C1QA: variants seen among roughly 807,000 people sequenced by gnomAD.
C1QA encodes the protein complement C1q subcomponent subunit A.
C1QA carries 3 observed loss-of-function variants against 6.9 expected under a neutral mutation model. The observed-to-expected ratio is 0.44, with a 90% CI of 0.20 to 1.12. The LOEUF (loss-of-function observed/expected upper bound fraction) is 1.12. Among genes scored for constraint, C1QA ranks in the 50% most tolerant of loss-of-function variants. C1QA has a pLI of 0.27. For missense variants in C1QA, 273 were observed against 326.6 expected, an observed-to-expected ratio of 0.84 and a Z score of 1.26; for synonymous variants, 128 against 134.1, an observed-to-expected ratio of 0.95 and a Z score of 0.31.
rs1029412903 is a variant in C1QA at position 22,639,602 on chromosome 1, T to C, written c.*195T>C. The C allele has an allele frequency of 1.6e-6, 1 of 628,166 alleles. No individual in the cohort carries two copies. Among genetic ancestry groups the C allele is most frequent in the Non-Finnish European group, 2.8e-6 (1 of 361,766 alleles). The allele number at this position is 628,166 out of a possible 1,614,324, so 38.9% of individuals were successfully genotyped here. A position where few individuals can be genotyped will look rare whatever the true frequency, so the allele number is the denominator to read the frequency against. On this transcript the variant is annotated 3_prime_UTR_variant, in exon 3 of 3. Transcript: ENST00000374642. This position sits in a 1 kb window ranked among gnomAD's most constrained non-coding sequence, Gnocchi z 4.6. ...TGGAATAAACATCTGTGTCTGTGTC[T>C]GCTGAACATGAGCTTCAGTTGCTAC...
rs781431506 is a variant in C1QA, at chr1:22,639,245, C to CA, written c.577dup (p.Thr193AsnfsTer21). ...GACGCTCCCTGGGCTTCTGTGACACCACCAACAAGGGGCTCTTCCAGGTGG... is the reference window on the plus strand; with the variant it reads ...GACGCTCCCTGGGCTTCTGTGACACCAACCAACAAGGGGCTCTTCCAGGTGG... On this transcript the variant is annotated frameshift_variant, in exon 3 of 3. Transcript: ENST00000374642. LOFTEE classifies it high-confidence loss of function. This position sits in a 1 kb window ranked among gnomAD's most constrained non-coding sequence, Gnocchi z 4.6. The CA allele has an allele frequency of 6.8e-6, 11 of 1,614,246 alleles. No individual in the cohort carries two copies. The highest frequency in any genetic ancestry group is 6.8e-6 in the Non-Finnish European group (8 of 1,180,050).
At chr1:22,638,717 C>T in intron 2 of C1QA, 116 bp from the exon 3 acceptor site, 1 of 1,180,340 alleles carries the variant, frequency 8.5e-7, no homozygotes. Context: ...AATCGATGTC[C>T]TGAAGGCCCA....
At position 22,637,889 on chromosome 1, in the gene C1QA, C is replaced by A; in HGVS notation, c.163+110C>A. On this transcript the variant is annotated intron_variant, in intron 2 of 2. Transcript: ENST00000374642. The surrounding 1 kb of genome is among the most constrained non-coding windows in gnomAD (Gnocchi z 4.4). ...TCAGGAGTCCGTCTGCCCCCAGTGC[C>A]CCATGAATCCTCTCCAGTTTGTACT... 7.5e-7 allele frequency: 1 copy of A among 1,340,184 alleles called. No individual in the cohort carries two copies. The highest frequency in any genetic ancestry group is 1.0e-6 in the Non-Finnish European group (1 of 999,504). The allele number at this position is 1,340,184 out of a possible 1,614,324, so 83.0% of individuals were successfully genotyped here.
rs1370909046 is a variant in C1QA at position 22,639,056 on chromosome 1, C to A, written c.387C>A (p.Asn129Lys). ...GGCGGAACCCCCCAATGGGGGGCAA[C>A]GTGGTCATCTTCGACACGGTCATCA... ...AIRRNPPMGGNVVIFDTVITN... is the reference protein window; with the variant it reads ...AIRRNPPMGGKVVIFDTVITN... The change falls in exon 3 of 3, where the codon AAC (asparagine) becomes AAA (lysine). Residue 129 changes from asparagine to lysine, a missense_variant. By Grantham distance (94) the Asn-to-Lys change is moderately conservative. Coordinates refer to ENST00000374642, the MANE Select transcript of C1QA (RefSeq NM_015991.4). The surrounding 1 kb of genome is among the most constrained non-coding windows in gnomAD (Gnocchi z 4.6). 6.2e-7 allele frequency: 1 copy of A among 1,614,246 alleles called. No individual in the cohort carries two copies. Among genetic ancestry groups the A allele is most frequent in the East Asian group, 2.2e-5 (1 of 44,870 alleles).
At position 22,639,058 on chromosome 1, in the gene C1QA, T is replaced by C; in HGVS notation, c.389T>C (p.Val130Ala). 3 of 1,614,222 alleles carry C rather than the reference T, an allele frequency of 1.9e-6. No individual in the cohort carries two copies. The highest frequency in any genetic ancestry group is 2.5e-6 in the Non-Finnish European group (3 of 1,180,048). ...IRRNPPMGGN[V>A]VIFDTVITNQ... ...CGGAACCCCCCAATGGGGGGCAACG[T>C]GGTCATCTTCGACACGGTCATCACC... is the stretch of plus-strand genomic sequence containing the variant. The change falls in exon 3 of 3, where the codon GTG becomes GCG. Residue 130 changes from valine (V) to alanine (A), a missense_variant. Transcript: ENST00000374642. This position sits in a 1 kb window ranked among gnomAD's most constrained non-coding sequence, Gnocchi z 4.6.
chr1:22,638,724 C>G lies in C1QA; in HGVS notation c.164-109C>G. ...CCAATCAGAATCGATGTCCTGAAGGCCCAGGTGCTTCATTGCCCTTTATCC... is the reference window on the plus strand; with the variant it reads ...CCAATCAGAATCGATGTCCTGAAGGGCCAGGTGCTTCATTGCCCTTTATCC... On this transcript the variant is annotated intron_variant, in intron 2 of 2. Coordinates refer to ENST00000374642, the MANE Select transcript of C1QA (RefSeq NM_015991.4). The G allele has an allele frequency of 2.4e-6, 3 of 1,242,686 alleles. No individual in the cohort carries two copies. The South Asian group carries it at 3.9e-5, about 16-fold the overall frequency. 77.0% of individuals were successfully genotyped at this position (1,242,686 alleles called of 1,614,324 possible). A position where few individuals can be genotyped will look rare whatever the true frequency, so the allele number is the denominator to read the frequency against.
Position 22,637,631 on chromosome 1 carries a change from G to A in C1QA, c.15G>A (p.Arg5=). 6.2e-7 allele frequency: 1 copy of A among 1,614,088 alleles called. No homozygotes were observed. The highest frequency in any genetic ancestry group is 8.5e-7 in the Non-Finnish European group (1 of 1,179,986). MEGP[R]GWLVLCVLAI... ...ACAGAGGCATCATGGAGGGTCCCCG[G>A]GGATGGCTGGTGCTCTGTGTGCTGG... is the stretch of plus-strand genomic sequence containing the variant. Residue 5 remains arginine, a synonymous_variant, in exon 2 of 3, where the codon CGG becomes CGA. Transcript: ENST00000374642. The surrounding 1 kb of genome is among the most constrained non-coding windows in gnomAD (Gnocchi z 4.4).
intron 1 of C1QA, chr1:22,636,908 GA>G (rs1642189815): frequency 6.5e-6 from 1 of 152,906 alleles, no homozygotes; most frequent in African/African-American, 2.4e-5. Context: ...GGGGGAGGGT[GA>G]GAGGCGATGA....
At position 22,637,879 on chromosome 1, in the gene C1QA, C is replaced by A. The variant is rs1156651157; in HGVS notation, c.163+100C>A. 7.3e-7 allele frequency: 1 copy of A among 1,367,942 alleles called. No individual in the cohort carries two copies. The highest frequency in any genetic ancestry group is 9.8e-7 in the Non-Finnish European group (1 of 1,020,590). The allele number at this position is 1,367,942 out of a possible 1,614,324, so 84.7% of individuals were successfully genotyped here. On this transcript the variant is annotated intron_variant, in intron 2 of 2. Transcript: ENST00000374642. This position sits in a 1 kb window ranked among gnomAD's most constrained non-coding sequence, Gnocchi z 4.4. ...GCACTGAGAATCAGGAGTCCGTCTG[C>A]CCCCAGTGCCCCATGAATCCTCTCC...
At chr1:22,636,895 C>G (rs1010334445) in intron 1 of C1QA, 193 bp downstream of exon 1, 1 of 152,870 alleles carries the variant, frequency 6.5e-6, no homozygotes, top group African/African-American at 2.4e-5. Context: ...TGAGCCAGGG[C>G]TTGGGGGAGG....
chr1:22,639,208 G>A lies in C1QA; in HGVS notation c.539G>A (p.Arg180Lys), dbSNP rs1642228866. 6.2e-7 allele frequency: 1 copy of A among 1,614,248 alleles called. No homozygotes were observed. Among genetic ancestry groups the A allele is most frequent in the Non-Finnish European group, 8.5e-7 (1 of 1,180,038 alleles). ...TGCCTGTCCATCGTCTCCTCCTCAA[G>A]GGGCCAGGTCCGACGCTCCCTGGGC... ...EICLSIVSSS[R>K]GQVRRSLGFC... The change falls in exon 3 of 3, where the codon AGG (arginine) becomes AAG (lysine). Residue 180 changes from arginine (R) to lysine (K), a missense_variant. Physicochemically the swap from Arg to Lys is conservative, Grantham distance 26. Transcript: ENST00000374642. This position sits in a 1 kb window ranked among gnomAD's most constrained non-coding sequence, Gnocchi z 4.6.
rs1414503172 is a variant in C1QA, at chr1:22,638,819, A to C, written c.164-14A>C. 6.4e-7 allele frequency: 1 copy of C among 1,568,420 alleles called. No individual in the cohort carries two copies. Among genetic ancestry groups the C allele is most frequent in the Admixed American group, 1.9e-5 (1 of 52,852 alleles). On this transcript the variant is annotated splice_polypyrimidine_tract_variant and intron_variant, in intron 2 of 2. Transcript: ENST00000374642. ...ATTGGACTCTCACTTCCAATCTGGC[A>C]TTTCTCCCCACAGGGGCCCCTGGCA...
Position 22,637,389 on chromosome 1 carries a change from T to C in C1QA, c.-7-221T>C, listed in dbSNP as rs1642197010. Among the ~76,000 whole-genome samples, 1 of 152,110 alleles carries C rather than the reference T, an allele frequency of 6.6e-6. No individual in the cohort carries two copies. Reference sequence around the variant, plus strand: ...GTGTTTGTGTGAGTGTGTGAAGATGTGGGTGTGCTCTGTTGCATGTGTGGA... The same window carrying C: ...GTGTTTGTGTGAGTGTGTGAAGATGCGGGTGTGCTCTGTTGCATGTGTGGA... On this transcript the variant is annotated intron_variant, in intron 1 of 2. Coordinates refer to ENST00000374642, the MANE Select transcript of C1QA (RefSeq NM_015991.4). The surrounding 1 kb of genome is among the most constrained non-coding windows in gnomAD (Gnocchi z 4.4).
At position 22,639,098 on chromosome 1, in the gene C1QA, G is replaced by A. The variant is rs943515837; in HGVS notation, c.429G>A (p.Pro143=). The A allele has an allele frequency of 4.3e-6, 7 of 1,614,266 alleles. No homozygotes were observed. Among genetic ancestry groups the A allele is most frequent in the African/African-American group, 2.7e-5 (2 of 75,078 alleles). ...CGGTCATCACCAACCAGGAAGAACCGTACCAGAACCACTCCGGCCGATTCG... is the reference window on the plus strand; with the variant it reads ...CGGTCATCACCAACCAGGAAGAACCATACCAGAACCACTCCGGCCGATTCG... ...FDTVITNQEE[P]YQNHSGRFVC... The change falls in exon 3 of 3, where the codon CCG becomes CCA. Residue 143 remains proline (P), a synonymous_variant. Coordinates refer to ENST00000374642, the MANE Select transcript of C1QA (RefSeq NM_015991.4). The surrounding 1 kb of genome is among the most constrained non-coding windows in gnomAD (Gnocchi z 4.6).
In C1QA at chr1:22,637,777, C is replaced by T. The variant is rs758587918; in HGVS notation, c.161C>T (p.Pro54Leu). The T allele has an allele frequency of 5.1e-6, 8 of 1,575,752 alleles. No homozygotes were observed. Among genetic ancestry groups the T allele is most frequent in the African/African-American group, 2.7e-5 (2 of 74,424 alleles). Residue 54 changes from proline to leucine, a missense_variant and splice_region_variant, in exon 2 of 3, where the codon CCG (proline) becomes CTG (leucine). By Grantham distance (98) the Pro-to-Leu change is moderately conservative. Coordinates refer to ENST00000374642, the MANE Select transcript of C1QA (RefSeq NM_015991.4). This position sits in a 1 kb window ranked among gnomAD's most constrained non-coding sequence, Gnocchi z 4.4. ...GGCCTCAAGGGGGAGCAAGGGGAGC[C>T]GGGTAAGCACCCTTCCTCGGGACCC... ...RPGLKGEQGE[P>L]GAPGIRTGIQ...
At position 22,639,129 on chromosome 1, in the gene C1QA, A is replaced by C. The variant is rs1642227539; in HGVS notation, c.460A>C (p.Thr154Pro). Reference protein sequence around the residue: ...YQNHSGRFVCTVPGYYYFTFQ... With the variant: ...YQNHSGRFVCPVPGYYYFTFQ... The stretch of plus-strand genomic sequence containing the variant: ...GAACCACTCCGGCCGATTCGTCTGC[A>C]CTGTACCCGGCTACTACTACTTCAC... The change falls in exon 3 of 3, where the codon ACT becomes CCT. Residue 154 changes from threonine to proline, a missense_variant. Physicochemically the swap from Thr to Pro is conservative, Grantham distance 38. Transcript: ENST00000374642. This position sits in a 1 kb window ranked among gnomAD's most constrained non-coding sequence, Gnocchi z 4.6. 6.2e-7 allele frequency: 1 copy of C among 1,614,246 alleles called. No homozygotes were observed. Among genetic ancestry groups the C allele is most frequent in the Non-Finnish European group, 8.5e-7 (1 of 1,180,042 alleles).
chr1:22,637,807 C>T lies in C1QA; in HGVS notation c.163+28C>T. 1 of 1,541,622 alleles carries T rather than the reference C, an allele frequency of 6.5e-7. No individual in the cohort carries two copies. Among genetic ancestry groups the T allele is most frequent in the Non-Finnish European group, 8.8e-7 (1 of 1,142,210 alleles). On this transcript the variant is annotated intron_variant, in intron 2 of 2. Transcript: ENST00000374642. This position sits in a 1 kb window ranked among gnomAD's most constrained non-coding sequence, Gnocchi z 4.4. ...AAGCACCCTTCCTCGGGACCCAGCC[C>T]CTTGGACCTTGGCCTGACTTGGCCT...
chr1:22,639,000 G>C lies in C1QA; in HGVS notation c.331G>C (p.Asp111His), dbSNP rs2148290962. The change falls in exon 3 of 3, where the codon GAC (aspartate) becomes CAC (histidine). Residue 111 changes from aspartate (D) to histidine (H), a missense_variant. Transcript: ENST00000374642. The stretch of plus-strand genomic sequence containing the variant: ...CAAGGGCAGCCCAGGAAACATCAAG[G>C]ACCAGCCGAGGCCAGCCTTCTCCGC... ...GTKGSPGNIKDQPRPAFSAIR... is the reference protein window; with the variant it reads ...GTKGSPGNIKHQPRPAFSAIR... The C allele has an allele frequency of 6.2e-7, 1 of 1,613,038 alleles. No individual in the cohort carries two copies. Among genetic ancestry groups the C allele is most frequent in the Non-Finnish European group, 8.5e-7 (1 of 1,179,468 alleles).
chr1:22,639,114 G>T lies in C1QA; in HGVS notation c.445G>T (p.Gly149Cys), dbSNP rs1043270464. 6.2e-7 allele frequency: 1 copy of T among 1,614,106 alleles called. No individual in the cohort carries two copies. ...NQEEPYQNHS[G>C]RFVCTVPGYY... Reference sequence around the variant, plus strand: ...GGAAGAACCGTACCAGAACCACTCCGGCCGATTCGTCTGCACTGTACCCGG... The same window carrying T: ...GGAAGAACCGTACCAGAACCACTCCTGCCGATTCGTCTGCACTGTACCCGG... The change falls in exon 3 of 3, where the codon GGC becomes TGC. Residue 149 changes from glycine (G) to cysteine (C), a missense_variant. Gly to Cys is a radical substitution (Grantham distance 159, BLOSUM62 -3). Coordinates refer to ENST00000374642, the MANE Select transcript of C1QA (RefSeq NM_015991.4). This position sits in a 1 kb window ranked among gnomAD's most constrained non-coding sequence, Gnocchi z 4.6.
Sources: allele counts gnomAD v4.1 joint callset (sites outside exome capture counted in the v4.1 genomes callset), GRCh38; gene constraint gnomAD v4.1.1; non-coding constraint Gnocchi (gnomAD v3.1); transcripts MANE v1.5; gene names NCBI Gene and HGNC (gene_info 2026-07-23, HGNC 2026-07-21).